Variants in SLC16A2 observed in about 807,000 individuals in gnomAD.
SLC16A2 encodes solute carrier family 16 member 2, also known as monocarboxylate transporter 8.
In SLC16A2, 3 loss-of-function variants were observed where a neutral mutation model predicts 27.2. The observed-to-expected ratio is 0.11, with a 90% CI of 0.05 to 0.28. SLC16A2 has a LOEUF of 0.28. SLC16A2 is among the 10% of genes least tolerant of loss of function. The pLI is 1.00. For missense variants in SLC16A2, 295 were observed against 458.5 expected (o/e 0.64, Z 3.26); for synonymous variants, 202 against 187.8 (o/e 1.08, Z -0.62).
At chrX:74,503,904 A>T (rs1217999505) in intron 1 of SLC16A2, among the ~76,000 whole-genome samples, 2 of 112,251 alleles carry the variant, frequency 1.8e-5, no homozygotes, top group African/African-American at 6.5e-5. Flanking sequence ...AGTAAATGGA[A>T]CACTAATATT....
intron 1 of SLC16A2, among the ~76,000 whole-genome samples, chrX:74,497,328 A>G (rs1263737792): frequency 2.7e-5 from 3 of 110,384 alleles, no homozygotes; most frequent in African/African-American, 9.9e-5. Context: ...TTGCTTGGAG[A>G]TGGTAGCCTT....
chrX:74,471,658 G>A (rs1284647409), intron 1 of SLC16A2, among the ~76,000 whole-genome samples: 1 of 111,577 alleles, frequency 9.0e-6, no homozygotes, highest in Non-Finnish European at 1.9e-5. Flanking sequence ...GAAATATACA[G>A]AACATAAAAT....
intron 1 of SLC16A2, among the ~76,000 whole-genome samples, chrX:74,508,852 C>T (rs186640985): frequency 7.1e-5 from 8 of 112,155 alleles, no homozygotes; most frequent in Middle Eastern, 4.6e-3. Flanking sequence ...GCTACTCTCC[C>T]TCTTCCCACC....
chrX:74,511,185 A>AT (rs1930224731), intron 1 of SLC16A2, among the ~76,000 whole-genome samples: 3 of 110,740 alleles, frequency 2.7e-5, no homozygotes, highest in Non-Finnish European at 5.7e-5. Flanking sequence ...TATTTTATTT[A>AT]TTTTATTTTT....
At chrX:74,441,469 C>A (rs1928747459) in intron 1 of SLC16A2, among the ~76,000 whole-genome samples, 1 of 111,956 alleles carries the variant, frequency 8.9e-6, no homozygotes, top group Non-Finnish European at 1.9e-5. Flanking sequence ...GGAATAAAAG[C>A]CCAGTATTTA....
chrX:74,476,954 C>G (rs1349901420), intron 1 of SLC16A2: 1 of 111,619 alleles, frequency 9.0e-6, no homozygotes, highest in Non-Finnish European at 1.9e-5. Flanking sequence ...TTTGTTGTGT[C>G]TCTGCCAGGC....
At chrX:74,461,725 G>A (rs751072467) in intron 1 of SLC16A2, among the ~76,000 whole-genome samples, 6 of 111,726 alleles carry the variant, frequency 5.4e-5, no homozygotes, top group Non-Finnish European at 1.1e-4. Flanking sequence ...ACAGAGGATT[G>A]GTGGCTCTGG....
At chrX:74,428,117 C>G (rs1465690558) in intron 1 of SLC16A2, among the ~76,000 whole-genome samples, 1 of 58,392 alleles carries the variant, frequency 1.7e-5, no homozygotes, top group Non-Finnish European at 3.4e-5. Flanking sequence ...CCTCCTGTAT[C>G]TCTCCCAGTA....
intron 1 of SLC16A2, among the ~76,000 whole-genome samples, chrX:74,455,358 G>T (rs1393640775): frequency 1.8e-5 from 2 of 111,348 alleles, no homozygotes; most frequent in African/African-American, 3.3e-5. Context: ...AAGTGACAGT[G>T]TAAGATTATA....
chrX:74,447,017 G>A (rs945595586), intron 1 of SLC16A2, among the ~76,000 whole-genome samples: 16 of 112,191 alleles, frequency 1.4e-4, no homozygotes, highest in African/African-American at 5.2e-4. Flanking sequence ...TTTTCTTACT[G>A]TGGGAAGTTC....
At chrX:74,501,076 A>G (rs1016909497) in intron 1 of SLC16A2, among the ~76,000 whole-genome samples, 1 of 108,819 alleles carries the variant, frequency 9.2e-6, no homozygotes. Context: ...TTTTGCACCA[A>G]CCTATATTGT....
intron 5 of SLC16A2, among the ~76,000 whole-genome samples, chrX:74,530,677 C>G (rs1009035928): frequency 9.0e-6 from 1 of 111,186 alleles, no homozygotes; most frequent in Non-Finnish European, 1.9e-5. Flanking sequence ...CCTGAGTAAG[C>G]AAAAGGCCAA....
intron 4 of SLC16A2, among the ~76,000 whole-genome samples, chrX:74,527,562 TG>T (rs1930502995): frequency 8.9e-6 from 1 of 112,394 alleles, no homozygotes; most frequent in African/African-American, 3.2e-5. Context: ...TTCAAGCCCC[TG>T]GACAGTCTGC....
chrX:74,505,441 G>C (rs1428739424), intron 1 of SLC16A2, among the ~76,000 whole-genome samples: 2 of 112,340 alleles, frequency 1.8e-5, no homozygotes, highest in Admixed American at 9.4e-5. Context: ...TACTTTTGCA[G>C]TTCCTCTGCC....
intron 1 of SLC16A2, among the ~76,000 whole-genome samples, chrX:74,468,259 C>T (rs1929289229): frequency 9.0e-6 from 1 of 111,364 alleles, no homozygotes; most frequent in Non-Finnish European, 1.9e-5. Flanking sequence ...TCCCTACCAC[C>T]AAAATCTCCC....
chrX:74,439,188 T>TTTCTTTC, intron 1 of SLC16A2, among the ~76,000 whole-genome samples: 1 of 91,023 alleles, frequency 1.1e-5, no homozygotes, highest in East Asian at 4.6e-4. Flanking sequence ...TTCTTTCTTT[T>TTTCTTTC]TCTTTCTTTC....
intron 1 of SLC16A2, chrX:74,473,755 G>A (rs1929405881): frequency 5.2e-6 from 4 of 771,485 alleles, no homozygotes; most frequent in Non-Finnish European, 3.9e-6. Context: ...TCTCCCCCAC[G>A]GTGTCATATG....
chrX:74,496,870 A>T (rs1929945868), intron 1 of SLC16A2, among the ~76,000 whole-genome samples: 1 of 112,038 alleles, frequency 8.9e-6, no homozygotes, highest in African/African-American at 3.2e-5. Flanking sequence ...CGAGTGTCCC[A>T]GTCAAACTCC....
chrX:74,432,537 C>T (rs1214911028), intron 1 of SLC16A2, among the ~76,000 whole-genome samples: 9 of 111,893 alleles, frequency 8.0e-5, no homozygotes, highest in Non-Finnish European at 1.7e-4. Flanking sequence ...CTAAACCCTT[C>T]TTTAAGACTA....
Sources: allele counts gnomAD v4.1 joint callset (sites outside exome capture counted in the v4.1 genomes callset), GRCh38; gene constraint gnomAD v4.1.1; transcripts MANE v1.5; gene names NCBI Gene and HGNC (gene_info 2026-07-23, HGNC 2026-07-21).